The following SLC9A9 variants were observed in gnomAD, a reference collection of about 807,000 sequenced individuals.
SLC9A9 encodes sodium/hydrogen exchanger 9.
A neutral mutation model predicts 77.8 loss-of-function variants in SLC9A9; 62 were observed. The observed-to-expected ratio is 0.80, with a 90% CI of 0.65 to 0.98. The LOEUF is 0.98. SLC9A9 is among the 50% of genes least tolerant of loss of function. The pLI, the probability that SLC9A9 is intolerant of heterozygous loss-of-function variation, is 0.00. For missense variants in SLC9A9, 775 were observed against 774.9 expected (o/e 1.00, Z 0.00); for synonymous variants, 320 against 283.5 (o/e 1.13, Z -1.29).
intron 6 of SLC9A9, among the ~76,000 whole-genome samples, chr3:143,582,571 A>G (rs1232088519): frequency 6.6e-6 from 1 of 152,162 alleles, no homozygotes; most frequent in Non-Finnish European, 1.5e-5. Flanking sequence ...TGAACTAGTC[A>G]CTTTTGCATA....
intron 14 of SLC9A9, among the ~76,000 whole-genome samples, chr3:143,323,968 G>A (rs1343240399): frequency 6.6e-6 from 1 of 151,790 alleles, no homozygotes; most frequent in Admixed American, 6.6e-5. Context: ...CAATTATTTA[G>A]TTGGTCATAT....
At chr3:143,411,968 T>A (rs944631858) in intron 12 of SLC9A9, among the ~76,000 whole-genome samples, 2 of 152,058 alleles carry the variant, frequency 1.3e-5, no homozygotes, top group Non-Finnish European at 2.9e-5. Context: ...ACTGATTGAA[T>A]CCTTCCAAAC....
intron 14 of SLC9A9, among the ~76,000 whole-genome samples, chr3:143,352,184 G>T (rs1442706310): frequency 6.6e-6 from 1 of 152,316 alleles, no homozygotes; most frequent in Middle Eastern, 3.4e-3. Context: ...TAGAAGGAAC[G>T]GCAAAGGGCT....
chr3:143,426,042 T>C (rs1030963931), intron 12 of SLC9A9, among the ~76,000 whole-genome samples: 24 of 151,738 alleles, frequency 1.6e-4, no homozygotes, highest in African/African-American at 5.8e-4. Flanking sequence ...ATCAGTGACA[T>C]AATGGTGTCA....
chr3:143,649,513 G>C (rs1267929459), intron 6 of SLC9A9, among the ~76,000 whole-genome samples: 4 of 152,146 alleles, frequency 2.6e-5, no homozygotes, highest in African/African-American at 7.2e-5. Context: ...TTAGGTATCT[G>C]AAATTCAGAG....
At chr3:143,657,167 T>C (rs957803772) in intron 5 of SLC9A9, among the ~76,000 whole-genome samples, 1 of 152,142 alleles carries the variant, frequency 6.6e-6, no homozygotes, top group Non-Finnish European at 1.5e-5. Flanking sequence ...AATCCTAGAA[T>C]ACAAGTGAAA....
chr3:143,336,238 A>G (rs532878387), intron 14 of SLC9A9, among the ~76,000 whole-genome samples: 2 of 152,268 alleles, frequency 1.3e-5, no homozygotes, highest in African/African-American at 4.8e-5. Context: ...AAAACAGAAA[A>G]TAAGTGTTGA....
At chr3:143,731,764 C>T (rs560098747) in intron 4 of SLC9A9, among the ~76,000 whole-genome samples, 1 of 152,326 alleles carries the variant, frequency 6.6e-6, no homozygotes, top group South Asian at 2.1e-4. Context: ...ATCCATTGCT[C>T]TTTTCTGAAC....
chr3:143,523,571 G>C (rs1391172055), intron 9 of SLC9A9, among the ~76,000 whole-genome samples: 3 of 152,140 alleles, frequency 2.0e-5, no homozygotes, highest in African/African-American at 4.8e-5. Flanking sequence ...CTCTTCGGTT[G>C]CATGCTGTGT....
chr3:143,798,389 C>T (rs537719011), intron 2 of SLC9A9, among the ~76,000 whole-genome samples: 11 of 152,308 alleles, frequency 7.2e-5, no homozygotes, highest in African/African-American at 2.6e-4. Context: ...GTCATTCACC[C>T]ACATTCCCTT....
chr3:143,520,812 T>C (rs1007657720), intron 9 of SLC9A9, among the ~76,000 whole-genome samples: 2 of 152,192 alleles, frequency 1.3e-5, no homozygotes, highest in South Asian at 2.1e-4. Context: ...GTGGTTTAAT[T>C]TGAACTCCCC....
chr3:143,630,099 G>A (rs2038396010), intron 6 of SLC9A9, among the ~76,000 whole-genome samples: 1 of 151,846 alleles, frequency 6.6e-6, no homozygotes, highest in African/African-American at 2.4e-5. Flanking sequence ...CTTGGCCTGG[G>A]GGAAAAAGAG....
chr3:143,496,315 A>G (rs776440094), intron 9 of SLC9A9, among the ~76,000 whole-genome samples: 8 of 152,212 alleles, frequency 5.3e-5, no homozygotes, highest in Non-Finnish European at 1.0e-4. Context: ...GGAAGACTTT[A>G]TTTTATGTTC....
At chr3:143,402,927 T>G (rs1036985729) in intron 12 of SLC9A9, among the ~76,000 whole-genome samples, 2 of 151,962 alleles carry the variant, frequency 1.3e-5, no homozygotes, top group African/African-American at 4.8e-5. Context: ...TTTTGTTATT[T>G]TCTTAGTGGT....
intron 14 of SLC9A9, among the ~76,000 whole-genome samples, chr3:143,273,568 T>C (rs1427391837): frequency 2.0e-5 from 3 of 152,194 alleles, no homozygotes; most frequent in Non-Finnish European, 1.5e-5. Flanking sequence ...AAAATTTCTC[T>C]TGTTTAAACC....
intron 11 of SLC9A9, among the ~76,000 whole-genome samples, chr3:143,489,785 A>C (rs1295635585): frequency 6.6e-6 from 1 of 152,092 alleles, no homozygotes; most frequent in African/African-American, 2.4e-5. Context: ...ATGTCTGATA[A>C]AGGATCAGTA....
At chr3:143,603,536 T>C (rs1237931501) in intron 6 of SLC9A9, among the ~76,000 whole-genome samples, 1 of 152,244 alleles carries the variant, frequency 6.6e-6, no homozygotes, top group African/African-American at 2.4e-5. Flanking sequence ...TAGAGAAGTC[T>C]GTGGCAAGAA....
At chr3:143,796,757 G>A in intron 3 of SLC9A9, 69 bp downstream of exon 3, 1 of 1,114,250 alleles carries the variant, frequency 9.0e-7, no homozygotes, top group Non-Finnish European at 1.3e-6. Context: ...AAAAATAACA[G>A]TTTCTCATTA....
intron 9 of SLC9A9, among the ~76,000 whole-genome samples, chr3:143,549,492 T>G (rs962479221): frequency 6.6e-5 from 10 of 152,196 alleles, no homozygotes; most frequent in Admixed American, 2.0e-4. Flanking sequence ...ATTAAGCTTC[T>G]GCTATGATCC....
Sources: gnomAD v4.1 joint callset for allele counts (sites outside exome capture counted in the v4.1 genomes callset) on GRCh38, gnomAD v4.1.1 for gene constraint, MANE v1.5 for transcripts, NCBI Gene and HGNC (gene_info 2026-07-23, HGNC 2026-07-21) for gene names.